The following RABEPK variants were observed in gnomAD, a reference collection of about 807,000 sequenced individuals.
RABEPK encodes Rab9 effector protein with kelch motifs, also known as 40 kDa Rab9 effector protein.
RABEPK carries 27 observed loss-of-function variants against 34.1 expected under a neutral mutation model. The ratio of observed to expected loss-of-function variants is 0.79; its 90% CI spans 0.58 to 1.09. The LOEUF is 1.09. Ranked by LOEUF, RABEPK falls within the 50% of genes least tolerant of loss-of-function variation. RABEPK has a pLI of 0.00. For missense variants in RABEPK, 449 were observed against 462.6 expected, an observed-to-expected ratio of 0.97 and a Z score of 0.27; for synonymous variants, 172 against 169.2, an observed-to-expected ratio of 1.02 and a Z score of -0.13.
Position 125,209,057 on chromosome 9 carries a change from C to CT in RABEPK, c.211+1354dup, listed in dbSNP as rs35098822. 9.8e-3 allele frequency among the ~76,000 whole-genome samples: 1,198 copies of CT among 121,730 alleles called. 26 individuals carry two copies. The highest frequency in any genetic ancestry group is 0.015 in the African/African-American group (473 of 32,560). The allele number at this position is 121,730 out of a possible 152,430, so 79.9% of individuals were successfully genotyped here. ...CTATTTCAGACTTTTCTCAACCTCC[C>CT]TTTTTTTTTTTTTTTTTTGAGACCA... On this transcript the variant is annotated intron_variant, in intron 3 of 7. Coordinates refer to ENST00000373538, the MANE Select transcript of RABEPK (RefSeq NM_005833.4).
intron 4 of RABEPK, among the ~76,000 whole-genome samples, chr9:125,218,971 A>G (rs1376744676): frequency 1.3e-5 from 2 of 151,986 alleles, no homozygotes; most frequent in East Asian, 1.9e-4. Flanking sequence ...GGCTCAAGCA[A>G]TCCACCTGCC....
At chr9:125,233,656 T>C (rs1460266749) in intron 7 of RABEPK, 32 bp from the exon 8 acceptor site, 1 of 1,593,918 alleles carries the variant, frequency 6.3e-7, no homozygotes, top group Non-Finnish European at 8.6e-7. Context: ...TGGAAATTTC[T>C]TAACATGAAG....
intron 3 of RABEPK, among the ~76,000 whole-genome samples, chr9:125,211,776 C>T (rs567760952): frequency 1.8e-4 from 27 of 152,130 alleles, no homozygotes; most frequent in African/African-American, 6.0e-4. Flanking sequence ...GAGGCCAGCC[C>T]GGCCAATATG....
intron 4 of RABEPK, among the ~76,000 whole-genome samples, chr9:125,214,113 C>T (rs1219999916): frequency 6.6e-6 from 1 of 150,828 alleles, no homozygotes; most frequent in Non-Finnish European, 1.5e-5. Context: ...CAGAGTGAGA[C>T]TCTGTCTCAA....
At chr9:125,220,467 C>A in intron 4 of RABEPK, 72 bp from the exon 5 acceptor site, 1 of 1,527,444 alleles carries the variant, frequency 6.5e-7, no homozygotes, top group South Asian at 1.3e-5. Context: ...ACTGACTTCA[C>A]TCAGCCCCAG....
In RABEPK at chr9:125,234,106, G is replaced by A; in HGVS notation, c.*126G>A. The A allele has an allele frequency of 4.0e-6, 4 of 990,890 alleles. No homozygotes were observed. Among genetic ancestry groups the A allele is most frequent in the Non-Finnish European group, 4.5e-6 (3 of 661,344 alleles). 61.4% of individuals were successfully genotyped at this position (990,890 alleles called of 1,614,324 possible). A position where few individuals can be genotyped will look rare whatever the true frequency, so the allele number is the denominator to read the frequency against. On this transcript the variant is annotated 3_prime_UTR_variant, in exon 8 of 8. Coordinates refer to ENST00000373538, the MANE Select transcript of RABEPK (RefSeq NM_005833.4). The stretch of plus-strand genomic sequence containing the variant: ...TTTTTCTCCTACTTTGGTAGGTGAA[G>A]AAACTAATGCAAATAATTCTTATGT...
At chr9:125,226,340 A>AG (rs1354948897) in intron 5 of RABEPK, among the ~76,000 whole-genome samples, 1 of 152,016 alleles carries the variant, frequency 6.6e-6, no homozygotes, top group Non-Finnish European at 1.5e-5. Context: ...AAAAAAAAAA[A>AG]AAAGTTGAGT....
At chr9:125,212,871 T>C (rs1204017572) in intron 3 of RABEPK, among the ~76,000 whole-genome samples, 2 of 151,960 alleles carry the variant, frequency 1.3e-5, no homozygotes, top group Non-Finnish European at 2.9e-5. Context: ...GGTTTCACCA[T>C]GTTGGCCAGG....
At position 125,233,820 on chromosome 9, in the gene RABEPK, A is replaced by G; in HGVS notation, c.959A>G (p.Asn320Ser). The G allele has an allele frequency of 6.2e-7, 1 of 1,614,198 alleles. No homozygotes were observed. The highest frequency in any genetic ancestry group is 1.7e-5 in the Admixed American group (1 of 60,010). Reference sequence around the variant, plus strand: ...GAAGATTCCAACTCTCTCACTCTGAACCATGAAGCTGAGAAAGAGGATTCA... The same window carrying G: ...GAAGATTCCAACTCTCTCACTCTGAGCCATGAAGCTGAGAAAGAGGATTCA... ...EKEDSNSLTL[N>S]HEAEKEDSAD... The change falls in exon 8 of 8, where the codon AAC (asparagine) becomes AGC (serine). Residue 320 changes from asparagine to serine, a missense_variant. By Grantham distance (46) the Asn-to-Ser change is conservative. Transcript: ENST00000373538.
At chr9:125,202,924 A>G (rs1829996727) in intron 1 of RABEPK, 84 bp from the exon 2 acceptor site, 2 of 1,040,538 alleles carry the variant, frequency 1.9e-6, no homozygotes, top group Non-Finnish European at 1.5e-6. Flanking sequence ...AGTACATTCA[A>G]CAGGAAAGGT....
At chr9:125,233,647 G>A (rs749156389) in intron 7 of RABEPK, 41 bp from the exon 8 acceptor site, 2 of 1,587,554 alleles carry the variant, frequency 1.3e-6, no homozygotes, top group Admixed American at 1.7e-5. Flanking sequence ...CGGCCTATCT[G>A]GAAATTTCTT....
chr9:125,201,847 C>A (rs1829923737), intron 1 of RABEPK, among the ~76,000 whole-genome samples: 1 of 151,620 alleles, frequency 6.6e-6, no homozygotes, highest in Admixed American at 6.6e-5. Flanking sequence ...GATCTGACCT[C>A]ATGATCCGCC....
chr9:125,233,076 CAAAAAA>C (rs760554134), intron 7 of RABEPK, among the ~76,000 whole-genome samples: 1 of 64,832 alleles, frequency 1.5e-5, no homozygotes, highest in South Asian at 4.9e-4. Context: ...GACTCTGTCT[CAAAAAA>C]AAAAAAAAAA....
chr9:125,234,082 T>C lies in RABEPK; in HGVS notation c.*102T>C. Reference sequence around the variant, plus strand: ...AATATCTTCTGCATTATATATCTGTTTTTCTCCTACTTTGGTAGGTGAAGA... The same window carrying C: ...AATATCTTCTGCATTATATATCTGTCTTTCTCCTACTTTGGTAGGTGAAGA... On this transcript the variant is annotated 3_prime_UTR_variant, in exon 8 of 8. Transcript: ENST00000373538. 8.2e-7 allele frequency: 1 copy of C among 1,216,680 alleles called. No homozygotes were observed. The highest frequency in any genetic ancestry group is 1.2e-6 in the Non-Finnish European group (1 of 861,742). The allele number at this position is 1,216,680 out of a possible 1,614,324, so 75.4% of individuals were successfully genotyped here. A position where few individuals can be genotyped will look rare whatever the true frequency, so the allele number is the denominator to read the frequency against.
At chr9:125,228,833 C>G (rs1298508494) in intron 6 of RABEPK, among the ~76,000 whole-genome samples, 2 of 150,086 alleles carry the variant, frequency 1.3e-5, no homozygotes, top group South Asian at 4.2e-4. Context: ...TGTGGTGGCA[C>G]TCGCCTCTAG....
chr9:125,205,406 T>C (rs1830162295), intron 2 of RABEPK, among the ~76,000 whole-genome samples: 1 of 152,242 alleles, frequency 6.6e-6, no homozygotes, highest in Admixed American at 6.5e-5. Context: ...TGTGTGCTTT[T>C]GGTAAATTAC....
At chr9:125,211,436 C>T (rs1368951296) in intron 3 of RABEPK, among the ~76,000 whole-genome samples, 1 of 151,906 alleles carries the variant, frequency 6.6e-6, no homozygotes, top group Admixed American at 6.6e-5. Context: ...ATGCGTGAGC[C>T]ACCACGCCCA....
chr9:125,230,692 C>T (rs540284090), intron 6 of RABEPK, among the ~76,000 whole-genome samples: 17 of 151,890 alleles, frequency 1.1e-4, no homozygotes, highest in East Asian at 7.9e-4. Flanking sequence ...TCCACCACCA[C>T]GCCCGGCTAA....
At chr9:125,220,199 C>T in intron 4 of RABEPK, 1 of 746,216 alleles carries the variant, frequency 1.3e-6, no homozygotes. Flanking sequence ...GGGGTTTTAC[C>T]CCATGTTGGC....
Sources: allele counts gnomAD v4.1 joint callset (sites outside exome capture counted in the v4.1 genomes callset), GRCh38; gene constraint gnomAD v4.1.1; transcripts MANE v1.5; gene names NCBI Gene and HGNC (gene_info 2026-07-23, HGNC 2026-07-21).